ZFAND3: variants seen among roughly 807,000 people sequenced by gnomAD.
ZFAND3 encodes the protein zinc finger AN1-type containing 3, also known as AN1-type zinc finger protein 3.
Under a neutral mutation model 29.6 loss-of-function variants are expected in ZFAND3, and 10 were observed. That is an observed-to-expected ratio of 0.34 (90% CI 0.21 to 0.57). ZFAND3 has a LOEUF of 0.57. Ranked by LOEUF, ZFAND3 falls within the 20% of genes least tolerant of loss-of-function variation. ZFAND3 has a pLI of 0.86. For synonymous variants in ZFAND3, 128 were observed against 112.6 expected (o/e 1.14, Z -0.87); for missense variants, 230 against 304.5 (o/e 0.76, Z 1.82).
At chr6:38,006,484 C>T (rs1763051141) in intron 2 of ZFAND3, among the ~76,000 whole-genome samples, 1 of 151,680 alleles carries the variant, frequency 6.6e-6, no homozygotes, top group Non-Finnish European at 1.5e-5. Context: ...GCTTTTTGTC[C>T]TCATTCAGTA....
intron 3 of ZFAND3, among the ~76,000 whole-genome samples, chr6:38,066,602 G>A (rs1003152124): frequency 6.6e-6 from 1 of 152,130 alleles, no homozygotes; most frequent in Non-Finnish European, 1.5e-5. Flanking sequence ...ATTTTGTTTG[G>A]GGCTTGTGGA....
At chr6:37,851,271 G>A (rs1764275360) in intron 1 of ZFAND3, among the ~76,000 whole-genome samples, 2 of 151,800 alleles carry the variant, frequency 1.3e-5, no homozygotes, top group African/African-American at 4.8e-5. Context: ...ACAGGTGTGA[G>A]TCACCACGCC....
chr6:37,961,144 G>A (rs1043655347), intron 2 of ZFAND3, among the ~76,000 whole-genome samples: 2 of 152,140 alleles, frequency 1.3e-5, no homozygotes, highest in African/African-American at 4.8e-5. Flanking sequence ...GGCATTTCTG[G>A]ACCTGCCCTG....
intron 2 of ZFAND3, among the ~76,000 whole-genome samples, chr6:38,026,787 CAGAGAGAGAG>C (rs71907088): frequency 6.0e-5 from 9 of 149,026 alleles, no homozygotes; most frequent in Non-Finnish European, 1.2e-4. Context: ...TTTTAATAAC[CAGAGAGAGAG>C]AGAGAGAGAG....
intron 2 of ZFAND3, among the ~76,000 whole-genome samples, chr6:38,000,079 A>G (rs573740905): frequency 8.5e-5 from 13 of 152,354 alleles, no homozygotes; most frequent in Admixed American, 7.8e-4. Context: ...TGGCACAAGT[A>G]GAATTGCTTT....
At chr6:37,829,606 A>G (rs1275236512) in intron 1 of ZFAND3, among the ~76,000 whole-genome samples, 1 of 152,234 alleles carries the variant, frequency 6.6e-6, no homozygotes, top group Non-Finnish European at 1.5e-5. Context: ...AAATACTTGC[A>G]TGTAGAAACT....
At chr6:37,864,063 T>C (rs1008126835) in intron 1 of ZFAND3, among the ~76,000 whole-genome samples, 1 of 152,182 alleles carries the variant, frequency 6.6e-6, no homozygotes, top group African/African-American at 2.4e-5. Context: ...AAAATTTGTG[T>C]TTAATATTTG....
rs572596659 is a variant in ZFAND3, at chr6:37,847,272, G to A, written c.71+27256G>A. Among the ~76,000 whole-genome samples, 10 of 152,012 alleles carry A rather than the reference G, an allele frequency of 6.6e-5. No individual in the cohort carries two copies. In the South Asian group the frequency reaches 2.1e-3, roughly 32 times the overall value. The stretch of plus-strand genomic sequence containing the variant: ...AGGTTATTTGCTCAAGTTAACAAGT[G>A]CCCCCAAAAACCTCATCAATCGGCC... On this transcript the variant is annotated intron_variant, in intron 1 of 5. Transcript: ENST00000287218.
chr6:38,121,578 A>G (rs1408398608), intron 5 of ZFAND3, among the ~76,000 whole-genome samples: 1 of 152,152 alleles, frequency 6.6e-6, no homozygotes, highest in Non-Finnish European at 1.5e-5. Flanking sequence ...ACAACCCTCT[A>G]TCCCTCCCCT....
intron 1 of ZFAND3, among the ~76,000 whole-genome samples, chr6:37,873,139 CG>C: frequency 6.6e-6 from 1 of 152,104 alleles, no homozygotes; most frequent in Non-Finnish European, 1.5e-5. Flanking sequence ...GGCGCGGTGG[CG>C]GGTGCCTGTA....
At chr6:38,084,598 C>A (rs1367198070) in intron 4 of ZFAND3, among the ~76,000 whole-genome samples, 1 of 152,148 alleles carries the variant, frequency 6.6e-6, no homozygotes, top group Non-Finnish European at 1.5e-5. Flanking sequence ...GTTTTATTAA[C>A]TGATTTTATA....
intron 2 of ZFAND3, among the ~76,000 whole-genome samples, chr6:37,930,320 G>T (rs1294636114): frequency 6.6e-6 from 1 of 152,156 alleles, no homozygotes; most frequent in Non-Finnish European, 1.5e-5. Flanking sequence ...ATTGGTTAAT[G>T]TTGCTCTATC....
Position 37,819,872 on chromosome 6 carries a change from GCCT to G in ZFAND3, c.-69_-67del, listed in dbSNP as rs1330126161. 1 of 780,396 alleles carries G rather than the reference GCCT, an allele frequency of 1.3e-6. No individual in the cohort carries two copies. The highest frequency in any genetic ancestry group is 1.7e-6 in the Non-Finnish European group (1 of 601,430). The allele number at this position is 780,396 out of a possible 1,614,324, so 48.3% of individuals were successfully genotyped here. A position where few individuals can be genotyped will look rare whatever the true frequency, so the allele number is the denominator to read the frequency against. ...CGAGCCCCCCGACGCCGCCGCCACC[GCCT>G]CCTCAGAGCGGGGCCCGGGCCCAGC... is the stretch of plus-strand genomic sequence containing the variant. On this transcript the variant is annotated 5_prime_UTR_variant, in exon 1 of 6. Transcript: ENST00000287218.
At chr6:38,041,705 C>T (rs1255960601) in intron 2 of ZFAND3, among the ~76,000 whole-genome samples, 607 of 1,204 alleles carry the variant, frequency 0.5, 110 homozygotes, top group East Asian at 0.73. Context: ...TTCTCCTCCT[C>T]CTCCTCCTCC....
At chr6:38,020,550 TTG>T (rs1241084757) in intron 2 of ZFAND3, among the ~76,000 whole-genome samples, 1 of 152,222 alleles carries the variant, frequency 6.6e-6, no homozygotes, top group Non-Finnish European at 1.5e-5. Context: ...CTGCTGGCTT[TTG>T]TGTTAAAGCA....
chr6:38,017,844 A>G (rs944906036), intron 2 of ZFAND3, among the ~76,000 whole-genome samples: 4 of 152,220 alleles, frequency 2.6e-5, no homozygotes, highest in African/African-American at 9.6e-5. Context: ...AACTACAGAA[A>G]ATAATATTCA....
chr6:38,043,488 T>G (rs1763834467), intron 2 of ZFAND3, among the ~76,000 whole-genome samples: 1 of 148,882 alleles, frequency 6.7e-6, no homozygotes, highest in African/African-American at 2.5e-5. Context: ...TTTTAGCTTT[T>G]CTCTTTTCTT....
chr6:37,926,818 C>T (rs2127411432), intron 1 of ZFAND3, among the ~76,000 whole-genome samples: 1 of 152,278 alleles, frequency 6.6e-6, no homozygotes, highest in South Asian at 2.1e-4. Context: ...AAGTTGATTA[C>T]ACTGCTTTTT....
chr6:37,867,224 G>A (rs941833858), intron 1 of ZFAND3, among the ~76,000 whole-genome samples: 3 of 152,196 alleles, frequency 2.0e-5, no homozygotes, highest in African/African-American at 7.2e-5. Flanking sequence ...GTGCAGTAAA[G>A]AAGCAGATCT....
Sources: gnomAD v4.1 joint callset for allele counts (sites outside exome capture counted in the v4.1 genomes callset) on GRCh38, gnomAD v4.1.1 for gene constraint, MANE v1.5 for transcripts, NCBI Gene and HGNC (gene_info 2026-07-23, HGNC 2026-07-21) for gene names.